HABP4: variants seen among roughly 807,000 people sequenced by gnomAD.
HABP4 encodes intracellular hyaluronan-binding protein 4.
In HABP4, 32 loss-of-function variants were observed where a neutral mutation model predicts 44.1. The ratio of observed to expected loss-of-function variants is 0.73; its 90% CI spans 0.55 to 0.97. The LOEUF is 0.97. Ranked by LOEUF, HABP4 falls within the 50% of genes least tolerant of loss-of-function variation. The pLI is 0.00. For missense variants in HABP4, 503 were observed against 561.9 expected, an observed-to-expected ratio of 0.90 and a Z score of 1.06; for synonymous variants, 216 against 218.0, an observed-to-expected ratio of 0.99 and a Z score of 0.08.
rs567255323 is a variant in HABP4, at chr9:96,469,609, G to A, written c.744-1402G>A. Among the ~76,000 whole-genome samples the A allele has an allele frequency of 6.6e-5, 10 of 151,794 alleles. No individual in the cohort carries two copies. In the East Asian group the frequency reaches 7.8e-4, roughly 12 times the overall value. ...ATGATCTCGGCTCACTGCAACCTCC[G>A]CCTCCCGGGTTCAAGTGATTCTCCT... On this transcript the variant is annotated intron_variant, in intron 4 of 7. Coordinates refer to ENST00000375249, the MANE Select transcript of HABP4 (RefSeq NM_014282.4).
intron 1 of HABP4, among the ~76,000 whole-genome samples, chr9:96,454,943 T>C (rs1832348532): frequency 6.6e-6 from 1 of 151,054 alleles, no homozygotes; most frequent in African/African-American, 2.4e-5. Context: ...ATGAGACCTG[T>C]CTCTACAAAA....
At chr9:96,465,632 T>G in intron 3 of HABP4, 78 bp from the exon 4 acceptor site, 1 of 1,218,108 alleles carries the variant, frequency 8.2e-7, no homozygotes. Context: ...CCTGGGACTT[T>G]TATGAACCAC....
At chr9:96,466,781 G>T (rs1832608055) in intron 4 of HABP4, among the ~76,000 whole-genome samples, 1 of 152,130 alleles carries the variant, frequency 6.6e-6, no homozygotes, top group Non-Finnish European at 1.5e-5. Context: ...GAGGGATGAT[G>T]CCTTCCTGGT....
intron 2 of HABP4, among the ~76,000 whole-genome samples, chr9:96,459,410 G>A (rs923309058): frequency 3.3e-5 from 5 of 152,130 alleles, no homozygotes; most frequent in Admixed American, 2.0e-4. Context: ...GGAGTGTTGC[G>A]TCGCTGCTTA....
At chr9:96,465,621 TC>T in intron 3 of HABP4, 88 bp from the exon 4 acceptor site, 1 of 1,172,330 alleles carries the variant, frequency 8.5e-7, no homozygotes, top group Non-Finnish European at 1.3e-6. Flanking sequence ...GAGAAGCTGA[TC>T]CTGGGACTTT....
At chr9:96,451,922 C>G (rs890796882) in intron 1 of HABP4, among the ~76,000 whole-genome samples, 4 of 151,932 alleles carry the variant, frequency 2.6e-5, no homozygotes, top group African/African-American at 9.7e-5. Context: ...TTTTCTTCAC[C>G]CTTTATTTTT....
In HABP4 at chr9:96,450,679, C is replaced by A; in HGVS notation, c.349+51C>A. The A allele has an allele frequency of 8.2e-7, 1 of 1,223,524 alleles. No individual in the cohort carries two copies. Among genetic ancestry groups the A allele is most frequent in the Non-Finnish European group, 1.0e-6 (1 of 979,178 alleles). The allele number at this position is 1,223,524 out of a possible 1,614,324, so 75.8% of individuals were successfully genotyped here. A position where few individuals can be genotyped will look rare whatever the true frequency, so the allele number is the denominator to read the frequency against. The stretch of plus-strand genomic sequence containing the variant: ...GACCACGGCTCGGCCCGCTGTGAGA[C>A]TGGGGTCCCGGGGGCCGGTTTCAGG... On this transcript the variant is annotated intron_variant, in intron 1 of 7. Transcript: ENST00000375249. This position sits in a 1 kb window ranked among gnomAD's most constrained non-coding sequence, Gnocchi z 4.8.
chr9:96,489,533 G>A (rs1386494189), intron 7 of HABP4, among the ~76,000 whole-genome samples: 2 of 152,012 alleles, frequency 1.3e-5, no homozygotes, highest in Admixed American at 1.3e-4. Flanking sequence ...CCTGACCTTG[G>A]TGTCCACTGT....
intron 5 of HABP4, among the ~76,000 whole-genome samples, chr9:96,474,040 G>A (rs566564832): frequency 1.2e-4 from 18 of 152,272 alleles, no homozygotes; most frequent in East Asian, 1.9e-4. Flanking sequence ...GTGTGCGTGC[G>A]TTTATATCTG....
upstream of HABP4, chr9:96,450,168 T>G (rs1832239702): frequency 9.2e-7 from 1 of 1,081,118 alleles, no homozygotes; most frequent in Non-Finnish European, 1.2e-6. The surrounding 1 kb of genome is among the most constrained non-coding windows in gnomAD (Gnocchi z 4.8). Context: ...CCGGACAGGG[T>G]AGGGCCCGGA....
chr9:96,474,901 C>T (rs1366628730), intron 5 of HABP4, among the ~76,000 whole-genome samples: 1 of 152,134 alleles, frequency 6.6e-6, no homozygotes, highest in Non-Finnish European at 1.5e-5. Flanking sequence ...TTCAAACACA[C>T]AACCCAAAGT....
chr9:96,450,379 G>A lies in HABP4; in HGVS notation c.100G>A (p.Asp34Asn), dbSNP rs1433104210. The stretch of plus-strand genomic sequence containing the variant: ...CAACCGCTTCCATCAGCTGCTGGAC[G>A]ACGAGTCGGACCCGTTCGACATCCT... ...VANRFHQLLDDESDPFDILRE... is the reference protein window; with the variant it reads ...VANRFHQLLDNESDPFDILRE... The change falls in exon 1 of 8, where the codon GAC (aspartate) becomes AAC (asparagine). Residue 34 changes from aspartate to asparagine, a missense_variant. Transcript: ENST00000375249. The surrounding 1 kb of genome is among the most constrained non-coding windows in gnomAD (Gnocchi z 4.8). The A allele has an allele frequency of 1.5e-6, 2 of 1,368,154 alleles. No homozygotes were observed. The highest frequency in any genetic ancestry group is 9.6e-7 in the Non-Finnish European group (1 of 1,041,538). The allele number at this position is 1,368,154 out of a possible 1,614,324, so 84.8% of individuals were successfully genotyped here.
At chr9:96,463,649 G>A (rs1587676450) in intron 2 of HABP4, among the ~76,000 whole-genome samples, 1 of 152,322 alleles carries the variant, frequency 6.6e-6, no homozygotes, top group East Asian at 1.9e-4. Context: ...GTGGGAGACA[G>A]AAAAGCCAAC....
Position 96,484,535 on chromosome 9 carries a change from G to C in HABP4, c.901G>C (p.Glu301Gln). The stretch of plus-strand genomic sequence containing the variant: ...TTTAGATGAGTGGAAAAATCTTCAA[G>C]AACAGACCAGACCAAAGCCTGAGTT... ...MTLDEWKNLQ[E>Q]QTRPKPEFNI... The change falls in exon 6 of 8, where the codon GAA becomes CAA. Residue 301 changes from glutamate to glutamine, a missense_variant. By Grantham distance (29) the Glu-to-Gln change is conservative. Around this residue, in one of 3 missense-constraint regions of HABP4, gnomAD observed 131 missense variants for 189.8 expected, o/e 0.69. Coordinates refer to ENST00000375249, the MANE Select transcript of HABP4 (RefSeq NM_014282.4). 1.3e-6 allele frequency: 2 copies of C among 1,588,012 alleles called. No individual in the cohort carries two copies. The highest frequency in any genetic ancestry group is 1.3e-5 in the African/African-American group (1 of 74,532).
chr9:96,486,084 C>T (rs945712585), intron 6 of HABP4, among the ~76,000 whole-genome samples: 5 of 151,928 alleles, frequency 3.3e-5, no homozygotes, highest in Non-Finnish European at 5.9e-5. Flanking sequence ...CCCAGCTACT[C>T]GGGAGGCTGA....
At chr9:96,471,497 A>G (rs900962971) in intron 5 of HABP4, among the ~76,000 whole-genome samples, 1 of 152,108 alleles carries the variant, frequency 6.6e-6, no homozygotes. Context: ...CCCTTATCCT[A>G]TCACAGAGGG....
In HABP4 at chr9:96,490,058, A is replaced by C. The variant is rs767661319; in HGVS notation, c.*20A>C. On this transcript the variant is annotated 3_prime_UTR_variant, in exon 8 of 8. Transcript: ENST00000375249. ...TCTTGAAAGAGCCCTGTTTCCCAGC[A>C]CCGCGGAGCTGCACTGCACACCTGT... The C allele has an allele frequency of 5.3e-6, 8 of 1,520,808 alleles. No individual in the cohort carries two copies. Among genetic ancestry groups the C allele is most frequent in the Non-Finnish European group, 7.3e-6 (8 of 1,094,748 alleles). The allele number at this position is 1,520,808 out of a possible 1,614,324, so 94.2% of individuals were successfully genotyped here.
chr9:96,480,167 C>G (rs371910483), intron 5 of HABP4, among the ~76,000 whole-genome samples: 1 of 151,994 alleles, frequency 6.6e-6, no homozygotes, highest in East Asian at 1.9e-4. Context: ...AGAGTGAGAC[C>G]CTGTCTCAAA....
At chr9:96,452,915 T>G (rs897992342) in intron 1 of HABP4, among the ~76,000 whole-genome samples, 70 of 140,068 alleles carry the variant, frequency 5.0e-4, no homozygotes, top group Non-Finnish European at 9.7e-4. Context: ...AAAAGGGTTT[T>G]TTTTTTTTTT....
Sources: gnomAD v4.1 joint callset for allele counts (sites outside exome capture counted in the v4.1 genomes callset) on GRCh38, gnomAD v4.1.1 for gene constraint, gnomAD v4.1.1 regional missense constraint, Gnocchi (gnomAD v3.1) non-coding constraint, MANE v1.5 for transcripts, NCBI Gene and HGNC (gene_info 2026-07-23, HGNC 2026-07-21) for gene names.